Variants in MEF2A observed in about 807,000 individuals in gnomAD.
MEF2A encodes myocyte enhancer factor 2A, also known as myocyte-specific enhancer factor 2A.
A neutral mutation model predicts 55.8 loss-of-function variants in MEF2A; 28 were observed. That is an observed-to-expected ratio of 0.50 (90% CI 0.37 to 0.69). MEF2A has a LOEUF of 0.69. MEF2A is among the 30% of genes least tolerant of loss of function. The pLI, the probability that MEF2A is intolerant of heterozygous loss-of-function variation, is 0.00. For missense variants in MEF2A, 528 were observed against 626.2 expected (o/e 0.84, Z 1.67); for synonymous variants, 239 against 227.1 (o/e 1.05, Z -0.47).
intron 2 of MEF2A, among the ~76,000 whole-genome samples, chr15:99,623,762 A>G (rs1392427311): frequency 2.0e-5 from 3 of 149,822 alleles, no homozygotes; most frequent in Admixed American, 6.6e-5. Flanking sequence ...GAGTTTTTAA[A>G]TATATTCTGG....
chr15:99,606,217 T>C (rs1840871416), intron 2 of MEF2A, among the ~76,000 whole-genome samples: 1 of 152,200 alleles, frequency 6.6e-6, no homozygotes, highest in Non-Finnish European at 1.5e-5. Context: ...AAATGACTTA[T>C]GTTCCATACC....
At position 99,566,094 on chromosome 15, in the gene MEF2A, C is replaced by G. The variant is rs2152619550; in HGVS notation, c.-235C>G. 1 of 152,210 alleles carries G rather than the reference C, an allele frequency of 6.6e-6. No individual in the cohort carries two copies. Among genetic ancestry groups the G allele is most frequent in the African/African-American group, 2.4e-5 (1 of 41,468 alleles). The allele number at this position is 152,210 out of a possible 1,614,324, so 9.4% of individuals were successfully genotyped here. A position where few individuals can be genotyped will look rare whatever the true frequency, so the allele number is the denominator to read the frequency against. On this transcript the variant is annotated 5_prime_UTR_variant, in exon 1 of 12. Coordinates refer to ENST00000557942, the MANE Select transcript of MEF2A (RefSeq NM_001319206.4). ...GGCGTGTGCGCGCCCGCCAGCTGCT[C>G]CGGAGATACGGTGAGGGCCGCGGGC...
chr15:99,706,894 CT>C, intron 10 of MEF2A, 39 bp downstream of exon 10: 1 of 1,590,654 alleles, frequency 6.3e-7, no homozygotes, highest in Non-Finnish European at 8.6e-7. Flanking sequence ...TTTTACCGCT[CT>C]CTGTTTTGTG....
At chr15:99,692,147 T>C in intron 8 of MEF2A, among the ~76,000 whole-genome samples, 1 of 152,220 alleles carries the variant, frequency 6.6e-6, no homozygotes, top group East Asian at 1.9e-4. Flanking sequence ...TTTGGTATAA[T>C]GCTTTATAGA....
In MEF2A at chr15:99,713,016, C is replaced by T; in HGVS notation, c.*245C>T. On this transcript the variant is annotated 3_prime_UTR_variant, in exon 12 of 12. Coordinates refer to ENST00000557942, the MANE Select transcript of MEF2A (RefSeq NM_001319206.4). Reference sequence around the variant, plus strand: ...GTGTGTCCCATGGCAGACAAAGCACCCTGTAGGCACAGACAAGTCTGGCAC... The same window carrying T: ...GTGTGTCCCATGGCAGACAAAGCACTCTGTAGGCACAGACAAGTCTGGCAC... 1 of 524,432 alleles carries T rather than the reference C, an allele frequency of 1.9e-6. No individual in the cohort carries two copies. The highest frequency in any genetic ancestry group is 3.3e-6 in the Non-Finnish European group (1 of 299,222). 32.5% of individuals were successfully genotyped at this position (524,432 alleles called of 1,614,324 possible). A position where few individuals can be genotyped will look rare whatever the true frequency, so the allele number is the denominator to read the frequency against.
intron 1 of MEF2A, among the ~76,000 whole-genome samples, chr15:99,582,015 C>T (rs748391738): frequency 1.6e-4 from 25 of 151,896 alleles, no homozygotes; most frequent in Non-Finnish European, 2.2e-4. Flanking sequence ...AAAGAGAGCT[C>T]GAGACCAGTT....
In MEF2A at chr15:99,623,055, T is replaced by TC. The variant is rs1169895088; in HGVS notation, c.-142-9921dup. Among the ~76,000 whole-genome samples the TC allele has an allele frequency of 1.6e-4, 24 of 152,278 alleles. No individual in the cohort carries two copies. In the South Asian group the frequency reaches 4.1e-3, roughly 26 times the overall value. On this transcript the variant is annotated intron_variant, in intron 2 of 11. Transcript: ENST00000557942. ...CTGTACTCATTACACAGTGACACCCTCCTCTTGACCCTCCCTGCAACCCCT... is the reference window on the plus strand; with the variant it reads ...CTGTACTCATTACACAGTGACACCCTCCCTCTTGACCCTCCCTGCAACCCCT...
chr15:99,706,898 G>T (rs1196829619), intron 10 of MEF2A, 43 bp downstream of exon 10: 5 of 1,583,080 alleles, frequency 3.2e-6, no homozygotes, highest in Non-Finnish European at 4.3e-6. Flanking sequence ...ACCGCTCTCT[G>T]TTTTGTGATC....
intron 1 of MEF2A, among the ~76,000 whole-genome samples, chr15:99,595,701 C>T (rs759978550): frequency 6.6e-6 from 1 of 152,154 alleles, no homozygotes; most frequent in Non-Finnish European, 1.5e-5. Flanking sequence ...AATAATTTTA[C>T]CCCCTGGGAG....
intron 10 of MEF2A, 140 bp downstream of exon 10, chr15:99,706,995 C>T: frequency 9.0e-7 from 1 of 1,116,256 alleles, no homozygotes; most frequent in Non-Finnish European, 1.2e-6. Flanking sequence ...ATGTATTTTT[C>T]AATGTGCTAG....
chr15:99,577,199 T>C (rs1408464638), intron 1 of MEF2A, among the ~76,000 whole-genome samples: 1 of 152,250 alleles, frequency 6.6e-6, no homozygotes, highest in East Asian at 1.9e-4. Flanking sequence ...TTAAGTGCTA[T>C]AAAGCATAGT....
intron 1 of MEF2A, among the ~76,000 whole-genome samples, chr15:99,571,184 CA>C (rs113527746): frequency 1.3e-3 from 171 of 134,208 alleles, no homozygotes; most frequent in African/African-American, 2.4e-3. Flanking sequence ...ACTCCATCTC[CA>C]AAAAAAAAAA....
chr15:99,628,760 T>C (rs534964240), intron 2 of MEF2A, among the ~76,000 whole-genome samples: 23 of 152,382 alleles, frequency 1.5e-4, no homozygotes, highest in African/African-American at 5.3e-4. Flanking sequence ...TATTATTGTT[T>C]AGTCAGTATT....
intron 2 of MEF2A, among the ~76,000 whole-genome samples, chr15:99,626,358 C>G (rs1419234897): frequency 6.6e-6 from 1 of 151,896 alleles, no homozygotes; most frequent in African/African-American, 2.4e-5. Flanking sequence ...TTCTCTTTTT[C>G]TTCCTAGTCA....
At chr15:99,648,643 C>T (rs951879269) in intron 4 of MEF2A, among the ~76,000 whole-genome samples, 2 of 152,076 alleles carry the variant, frequency 1.3e-5, no homozygotes, top group African/African-American at 4.8e-5. Flanking sequence ...CACATATTTC[C>T]GTTTGCATAT....
At chr15:99,666,594 A>ATAAT (rs2049797481) in intron 4 of MEF2A, among the ~76,000 whole-genome samples, 1 of 148,370 alleles carries the variant, frequency 6.7e-6, no homozygotes, top group East Asian at 1.9e-4. Context: ...AATAATAATA[A>ATAAT]TAATAATAAT....
At chr15:99,600,786 A>G (rs1972715270) in intron 2 of MEF2A, among the ~76,000 whole-genome samples, 2 of 152,122 alleles carry the variant, frequency 1.3e-5, no homozygotes, top group Non-Finnish European at 2.9e-5. Flanking sequence ...CACTGTCTTG[A>G]TTACTGAAGC....
At chr15:99,567,072 G>C (rs1316177383) in intron 1 of MEF2A, among the ~76,000 whole-genome samples, 1 of 152,240 alleles carries the variant, frequency 6.6e-6, no homozygotes, top group Non-Finnish European at 1.5e-5. Context: ...CTTTAAAAGT[G>C]TAACTATAGA....
intron 1 of MEF2A, among the ~76,000 whole-genome samples, chr15:99,575,869 T>G (rs909641763): frequency 6.6e-6 from 1 of 152,226 alleles, no homozygotes; most frequent in Non-Finnish European, 1.5e-5. Flanking sequence ...TTAAGTAGGT[T>G]GTTTTCTATT....
Sources: gnomAD v4.1 joint callset for allele counts (sites outside exome capture counted in the v4.1 genomes callset) on GRCh38, gnomAD v4.1.1 for gene constraint, MANE v1.5 for transcripts, NCBI Gene and HGNC (gene_info 2026-07-23, HGNC 2026-07-21) for gene names.